The following PKN2 variants were observed in gnomAD, a reference collection of about 807,000 sequenced individuals.
PKN2 encodes protein kinase N2, also known as serine/threonine-protein kinase N2.
PKN2 carries 38 observed loss-of-function variants against 119.1 expected under a neutral mutation model. The observed-to-expected ratio is 0.32, with a 90% CI of 0.25 to 0.42. PKN2 has a LOEUF of 0.42. Among genes scored for constraint, PKN2 ranks in the 10% least tolerant of loss-of-function variants. The pLI, the probability that PKN2 is intolerant of heterozygous loss-of-function variation, is 1.00. For missense variants in PKN2, 850 were observed against 1,165.1 expected (o/e 0.73, Z 3.94); for synonymous variants, 390 against 384.9 (o/e 1.01, Z -0.15).
At chr1:88,711,306 G>A (rs1252153854) in intron 1 of PKN2, among the ~76,000 whole-genome samples, 4 of 148,534 alleles carry the variant, frequency 2.7e-5, no homozygotes, top group Non-Finnish European at 5.9e-5. Flanking sequence ...AAAGAGAGAA[G>A]TGGAAAAAAA....
At chr1:88,829,771 A>G (rs1028885874) in intron 19 of PKN2, among the ~76,000 whole-genome samples, 1 of 152,194 alleles carries the variant, frequency 6.6e-6, no homozygotes, top group African/African-American at 2.4e-5. Context: ...TCCCCATGCC[A>G]GCAACCTCCC....
At position 88,784,748 on chromosome 1, in the gene PKN2, A is replaced by G; in HGVS notation, c.1095A>G (p.Arg365=). The change falls in exon 7 of 22, where the codon AGA becomes AGG. Residue 365 remains arginine, a synonymous_variant. Coordinates refer to ENST00000370521, the MANE Select transcript of PKN2 (RefSeq NM_006256.4). ...ALPGWSPSET[R]SSFMSRTSKS... is the part of the protein sequence containing the mutation. ...CTGGTTGGAGTCCAAGTGAAACCAG[A>G]TCATCTTTCATGAGCAGAACGAGTA... is the stretch of plus-strand genomic sequence containing the variant. 6.2e-7 allele frequency: 1 copy of G among 1,612,986 alleles called. No homozygotes were observed. Among genetic ancestry groups the G allele is most frequent in the Non-Finnish European group, 8.5e-7 (1 of 1,179,242 alleles).
chr1:88,775,293 C>A (rs533985776), intron 6 of PKN2, among the ~76,000 whole-genome samples: 4 of 152,216 alleles, frequency 2.6e-5, no homozygotes, highest in Admixed American at 2.6e-4. Context: ...TCCTCGCAAC[C>A]ACTCACCTCA....
intron 8 of PKN2, among the ~76,000 whole-genome samples, chr1:88,793,704 A>G (rs918850412): frequency 6.6e-6 from 1 of 152,104 alleles, no homozygotes; most frequent in East Asian, 1.9e-4. Flanking sequence ...CTTTATATAA[A>G]ATGGTGTATT....
At chr1:88,790,832 A>C (rs940819068) in intron 8 of PKN2, among the ~76,000 whole-genome samples, 3 of 151,888 alleles carry the variant, frequency 2.0e-5, no homozygotes, top group African/African-American at 7.3e-5. Flanking sequence ...TCTTTTGTCT[A>C]TGGTTTCTGT....
At chr1:88,823,749 G>A (rs1001667098) in intron 17 of PKN2, among the ~76,000 whole-genome samples, 2 of 130,606 alleles carry the variant, frequency 1.5e-5, no homozygotes, top group African/African-American at 2.9e-5. Context: ...GGTGGCTTAC[G>A]CCTGTAATTC....
At chr1:88,756,356 G>A (rs1285973256) in intron 2 of PKN2, among the ~76,000 whole-genome samples, 1 of 152,054 alleles carries the variant, frequency 6.6e-6, no homozygotes, top group African/African-American at 2.4e-5. Context: ...AAAACATAAG[G>A]AATTTATGTT....
At chr1:88,776,352 G>C (rs1557603450) in intron 6 of PKN2, among the ~76,000 whole-genome samples, 1 of 148,496 alleles carries the variant, frequency 6.7e-6, no homozygotes, top group East Asian at 2.0e-4. Flanking sequence ...CTTAGCTTTT[G>C]TTATCTAGGA....
intron 1 of PKN2, among the ~76,000 whole-genome samples, chr1:88,725,988 C>G (rs958426148): frequency 3.3e-4 from 50 of 152,160 alleles, no homozygotes; most frequent in African/African-American, 1.1e-3. Flanking sequence ...GTGTTTTTAA[C>G]TTTGTTGTCT....
chr1:88,775,566 A>C (rs1670058704), intron 6 of PKN2, among the ~76,000 whole-genome samples: 1 of 152,150 alleles, frequency 6.6e-6, no homozygotes, highest in African/African-American at 2.4e-5. Flanking sequence ...AAGCTGTTAT[A>C]AACATCCATG....
intron 2 of PKN2, among the ~76,000 whole-genome samples, chr1:88,753,090 T>A (rs1406834996): frequency 6.6e-6 from 1 of 152,216 alleles, no homozygotes; most frequent in Non-Finnish European, 1.5e-5. Context: ...GCTATTTTTA[T>A]CTCTCAGACA....
At chr1:88,698,559 G>A (rs530417343) in intron 1 of PKN2, among the ~76,000 whole-genome samples, 1 of 152,088 alleles carries the variant, frequency 6.6e-6, no homozygotes, top group Non-Finnish European at 1.5e-5. Context: ...ATTAATAGGC[G>A]CTTACATTGC....
Position 88,798,870 on chromosome 1 carries a change from G to A in PKN2, c.1282-5521G>A, listed in dbSNP as rs78690615. Among the ~76,000 whole-genome samples the A allele has an allele frequency of 5.1e-3, 770 of 152,208 alleles. 2 individuals carry two copies. Among genetic ancestry groups the A allele is most frequent in the African/African-American group, 0.017 (725 of 41,530 alleles). ...GATAGCTGCGTTCAAAAAACCTTGG[G>A]GAAAAAATGTGGGCTGGATTTAAAG... On this transcript the variant is annotated intron_variant, in intron 8 of 21. Coordinates refer to ENST00000370521, the MANE Select transcript of PKN2 (RefSeq NM_006256.4).
At chr1:88,797,411 A>G (rs1671119197) in intron 8 of PKN2, among the ~76,000 whole-genome samples, 1 of 151,852 alleles carries the variant, frequency 6.6e-6, no homozygotes, top group Non-Finnish European at 1.5e-5. Context: ...TGGGAGGCTC[A>G]GGTGGGCGGA....
At chr1:88,747,279 GAAAT>G (rs1466396835) in intron 2 of PKN2, among the ~76,000 whole-genome samples, 2 of 152,100 alleles carry the variant, frequency 1.3e-5, no homozygotes, top group Non-Finnish European at 2.9e-5. Flanking sequence ...CCACTGCGAA[GAAAT>G]AAATATTTGA....
intron 1 of PKN2, among the ~76,000 whole-genome samples, chr1:88,739,779 T>G (rs1351168596): frequency 6.6e-6 from 1 of 152,214 alleles, no homozygotes; most frequent in Non-Finnish European, 1.5e-5. Context: ...AAATATAGAT[T>G]AGCTGTGCTT....
At chr1:88,770,279 C>T in intron 3 of PKN2, 73 bp from the exon 4 acceptor site, 2 of 794,570 alleles carry the variant, frequency 2.5e-6, no homozygotes, top group South Asian at 3.1e-5. Context: ...ATCACTTGAT[C>T]TGTTTAGAAG....
intron 8 of PKN2, among the ~76,000 whole-genome samples, chr1:88,802,534 G>A (rs549425254): frequency 2.6e-5 from 4 of 152,000 alleles, no homozygotes; most frequent in Middle Eastern, 3.4e-3. Context: ...CATGTTGGCC[G>A]TTGCTAGTCT....
chr1:88,810,498 T>C (rs1401030977), intron 15 of PKN2, among the ~76,000 whole-genome samples: 7 of 152,192 alleles, frequency 4.6e-5, no homozygotes, highest in African/African-American at 7.2e-5. Context: ...GCTAAACTTA[T>C]TATAACTGAG....
Sources: allele counts gnomAD v4.1 joint callset (sites outside exome capture counted in the v4.1 genomes callset), GRCh38; gene constraint gnomAD v4.1.1; transcripts MANE v1.5; gene names NCBI Gene and HGNC (gene_info 2026-07-23, HGNC 2026-07-21).